The following THAP9 variants were observed in gnomAD, a reference collection of about 807,000 sequenced individuals.
THAP9 encodes the protein THAP domain containing 9.
THAP9 carries 20 observed loss-of-function variants against 35.7 expected under a neutral mutation model. The observed-to-expected ratio is 0.56, with a 90% CI of 0.39 to 0.81. THAP9 has a LOEUF of 0.81. Among genes scored for constraint, THAP9 ranks in the 40% least tolerant of loss-of-function variants. The probability of loss-of-function intolerance (pLI) is 0.00; values close to 1 mark genes in which losing one functional copy is unlikely to be tolerated. For synonymous variants in THAP9, 335 were observed against 373.7 expected, an observed-to-expected ratio of 0.90 and a Z score of 1.19; for missense variants, 870 against 1,047.4, an observed-to-expected ratio of 0.83 and a Z score of 2.34.
chr4:82,900,869 C>A lies in THAP9; in HGVS notation c.67C>A (p.Leu23Ile). Residue 23 changes from leucine (L) to isoleucine (I), a missense_variant, in exon 1 of 5, where the codon CTC becomes ATC. Coordinates refer to ENST00000302236, the MANE Select transcript of THAP9 (RefSeq NM_024672.6). ...CACCGTGCTCAGCCGGGAGCGCGGCCTCTCCTTCCACCAGTGCGTATGGGA... is the reference window on the plus strand; with the variant it reads ...CACCGTGCTCAGCCGGGAGCGCGGCATCTCCTTCCACCAGTGCGTATGGGA... ...RDTVLSRERG[L>I]SFHQFPTDTI... 1 of 1,613,468 alleles carries A rather than the reference C, an allele frequency of 6.2e-7. No individual in the cohort carries two copies. The highest frequency in any genetic ancestry group is 8.5e-7 in the Non-Finnish European group (1 of 1,180,014).
intron 1 of THAP9, 47 bp downstream of exon 1, chr4:82,900,929 C>T (rs374601101): frequency 1.8e-4 from 282 of 1,606,036 alleles, no homozygotes; most frequent in Non-Finnish European, 2.3e-4. Flanking sequence ...CTGCGGGGCC[C>T]GGCGGGCCGT....
Position 82,917,108 on chromosome 4 carries a change from T to G in THAP9, c.896T>G (p.Leu299Trp). The change falls in exon 5 of 5, where the codon TTG becomes TGG. Residue 299 changes from leucine to tryptophan, a missense_variant. This residue lies in a region of THAP9 where 440 missense variants were observed against 501.2 expected (regional missense o/e 0.88). Transcript: ENST00000302236. ...QLQWDPSSHS[L>W]QGFMDFGLGK... is the part of the protein sequence containing the mutation. ...CAGTGGGATCCTAGCAGTCACAGTTTGCAGGGGTTTATGGACTTTGGTCTT... is the reference window on the plus strand; with the variant it reads ...CAGTGGGATCCTAGCAGTCACAGTTGGCAGGGGTTTATGGACTTTGGTCTT... 1 of 1,613,468 alleles carries G rather than the reference T, an allele frequency of 6.2e-7. No homozygotes were observed. The highest frequency in any genetic ancestry group is 8.5e-7 in the Non-Finnish European group (1 of 1,179,718).
At chr4:82,913,048 G>GT (rs1720918914) in intron 4 of THAP9, among the ~76,000 whole-genome samples, 1 of 151,376 alleles carries the variant, frequency 6.6e-6, no homozygotes, top group African/African-American at 2.4e-5. Context: ...TTTTTGTATT[G>GT]TTTTTTTAAA....
chr4:82,917,433 A>G lies in THAP9; in HGVS notation c.1221A>G (p.Gln407=). ...TTCAGCATCCTTCATCTTCTAGTCA[A>G]CAGATTGCATACTTCTTTGACTCTT... The part of the protein sequence containing the change: ...CTFQHPSSSS[Q]QIAYFFDSCH... The change falls in exon 5 of 5, where the codon CAA becomes CAG. Residue 407 remains glutamine (Q), a synonymous_variant. Transcript: ENST00000302236. 1 of 1,614,100 alleles carries G rather than the reference A, an allele frequency of 6.2e-7. No homozygotes were observed. Among genetic ancestry groups the G allele is most frequent in the Non-Finnish European group, 8.5e-7 (1 of 1,179,978 alleles).
rs746466487 is a variant in THAP9 at position 82,900,895 on chromosome 4, G to A, written c.80+13G>A. 3.7e-6 allele frequency: 6 copies of A among 1,612,882 alleles called. No homozygotes were observed. The Admixed American group carries it at 6.7e-5, about 18-fold the overall frequency. On this transcript the variant is annotated intron_variant, in intron 1 of 4. Coordinates refer to ENST00000302236, the MANE Select transcript of THAP9 (RefSeq NM_024672.6). ...TCTCCTTCCACCAGTGCGTATGGGA[G>A]CAGCCTCGAAGCCTTCGAACTCCCT...
At chr4:82,907,004 C>T (rs2126012657) in intron 3 of THAP9, among the ~76,000 whole-genome samples, 1 of 152,268 alleles carries the variant, frequency 6.6e-6, no homozygotes, top group East Asian at 1.9e-4. Flanking sequence ...CATAATTTTA[C>T]CAAAGTCTTT....
chr4:82,916,825 C>CTT (rs1413988074), intron 4 of THAP9, 119 bp from the exon 5 acceptor site: 1 of 742,356 alleles, frequency 1.3e-6, no homozygotes, highest in African/African-American at 1.8e-5. Context: ...AATTTGGCTG[C>CTT]TTATATACTT....
chr4:82,901,313 C>CA, intron 1 of THAP9: 1 of 380,048 alleles, frequency 2.6e-6, no homozygotes, highest in Non-Finnish European at 5.3e-6. Flanking sequence ...CCGAGCTGTG[C>CA]AAGGCCGGTC....
rs1275793322 is a variant in THAP9 at position 82,918,026 on chromosome 4, AC to A, written c.1815del (p.Tyr605Ter). On this transcript the variant is annotated frameshift_variant, in exon 5 of 5. Transcript: ENST00000302236. LOFTEE classifies it high-confidence loss of function. ...KVMPFPYLLT[Y>X]KFSHDHLELF... ...ATGCCTTTTCCTTATCTTCTGACTT[AC>A]AAATTCAGTCATGATCATCTGGAAT... 1.2e-6 allele frequency: 2 copies of A among 1,613,946 alleles called. No individual in the cohort carries two copies. Among genetic ancestry groups the A allele is most frequent in the African/African-American group, 2.7e-5 (2 of 74,950 alleles).
At position 82,906,448 on chromosome 4, in the gene THAP9, T is replaced by C. The variant is rs79512760; in HGVS notation, c.401T>C (p.Ile134Thr). 1.6e-3 allele frequency: 2,545 copies of C among 1,613,772 alleles called. 40 individuals carry two copies. The African/African-American group carries it at 0.028, about 18-fold the overall frequency. ...TATAGTTTAAAGACACCTTTGACGA[T>C]AGGTGCAGAGAAACTGGCTGAGGTG... ...HNYSLKTPLT[I>T]GAEKLAEVQQ... The change falls in exon 3 of 5, where the codon ATA (isoleucine) becomes ACA (threonine). Residue 134 changes from isoleucine (I) to threonine (T), a missense_variant. Around this residue, in one of 3 missense-constraint regions of THAP9, gnomAD observed 440 missense variants for 501.2 expected, o/e 0.88. Transcript: ENST00000302236.
chr4:82,906,570 G>A lies in THAP9; in HGVS notation c.523G>A (p.Val175Ile), dbSNP rs754235658. 2 of 1,611,632 alleles carry A rather than the reference G, an allele frequency of 1.2e-6. No homozygotes were observed. The highest frequency in any genetic ancestry group is 1.1e-5 in the South Asian group (1 of 90,492). ...GGGTTTACGATTAATTGATGCACTT[G>A]TAGAAGAGAAACTACTTTCTGAAGA... The part of the protein sequence containing the change: ...RKGLRLIDAL[V>I]EEKLLSEETE... Residue 175 changes from valine to isoleucine, a missense_variant, in exon 3 of 5, where the codon GTA becomes ATA. By Grantham distance (29) the Val-to-Ile change is conservative. Coordinates refer to ENST00000302236, the MANE Select transcript of THAP9 (RefSeq NM_024672.6).
chr4:82,912,870 C>T (rs547592849), intron 4 of THAP9, among the ~76,000 whole-genome samples: 12 of 152,144 alleles, frequency 7.9e-5, no homozygotes, highest in Non-Finnish European at 1.2e-4. Context: ...GTGATATATA[C>T]TGTGTACACA....
chr4:82,912,542 A>G (rs1720899917), intron 4 of THAP9, among the ~76,000 whole-genome samples: 1 of 152,244 alleles, frequency 6.6e-6, no homozygotes, highest in African/African-American at 2.4e-5. Flanking sequence ...TTGTTAATTT[A>G]AAATATCGTG....
intron 4 of THAP9, chr4:82,913,432 T>C (rs1720932641): frequency 6.6e-6 from 1 of 152,200 alleles, no homozygotes; most frequent in Non-Finnish European, 1.5e-5. Flanking sequence ...TTGGTGCTCA[T>C]TTGAGAATCC....
intron 4 of THAP9, 82 bp downstream of exon 4, chr4:82,908,017 A>T: frequency 1.5e-6 from 2 of 1,337,624 alleles, no homozygotes; most frequent in Admixed American, 2.1e-5. Flanking sequence ...TACTCTTTAG[A>T]TGTTAAACCA....
chr4:82,904,164 A>G (rs1019198343), intron 1 of THAP9, among the ~76,000 whole-genome samples: 19 of 150,258 alleles, frequency 1.3e-4, no homozygotes, highest in Middle Eastern at 3.4e-3. Context: ...TCCGGATTCA[A>G]GAGATTCTCC....
At chr4:82,901,826 C>T (rs1720407588) in intron 1 of THAP9, among the ~76,000 whole-genome samples, 1 of 151,022 alleles carries the variant, frequency 6.6e-6, no homozygotes, top group African/African-American at 2.4e-5. Context: ...TGGGATTTTT[C>T]TTGTGATAGA....
chr4:82,914,885 C>T (rs1169278516), intron 4 of THAP9, among the ~76,000 whole-genome samples: 7 of 152,096 alleles, frequency 4.6e-5, no homozygotes, highest in Non-Finnish European at 8.8e-5. Context: ...AATCTTTTAC[C>T]GTTCCTATGT....
intron 4 of THAP9, among the ~76,000 whole-genome samples, chr4:82,914,403 TC>T (rs1720972680): frequency 6.6e-6 from 1 of 152,186 alleles, no homozygotes; most frequent in Non-Finnish European, 1.5e-5. Context: ...GGAATCACTT[TC>T]CACAACAATT....
Sources: gnomAD v4.1 joint callset for allele counts (sites outside exome capture counted in the v4.1 genomes callset) on GRCh38, gnomAD v4.1.1 for gene constraint, gnomAD v4.1.1 regional missense constraint, MANE v1.5 for transcripts, NCBI Gene and HGNC (gene_info 2026-07-23, HGNC 2026-07-21) for gene names.